The following FSTL4 variants were observed in gnomAD, a reference collection of about 807,000 sequenced individuals.
FSTL4 encodes follistatin like 4, also known as follistatin-related protein 4.
In FSTL4, 28 loss-of-function variants were observed where a neutral mutation model predicts 78.2. The observed-to-expected ratio is 0.36, with a 90% CI of 0.27 to 0.49. The LOEUF is 0.49. Ranked by LOEUF, FSTL4 falls within the 20% of genes least tolerant of loss-of-function variation. The pLI is 0.98. For missense variants in FSTL4, 922 were observed against 1,084.9 expected, an observed-to-expected ratio of 0.85 and a Z score of 2.11; for synonymous variants, 422 against 440.5, an observed-to-expected ratio of 0.96 and a Z score of 0.53.
chr5:133,534,332 T>C (rs1237309093), intron 3 of FSTL4, among the ~76,000 whole-genome samples: 1 of 152,194 alleles, frequency 6.6e-6, no homozygotes, highest in Non-Finnish European at 1.5e-5. Flanking sequence ...AGTCGAGGCC[T>C]TCTCTGCCTT....
intron 1 of FSTL4, among the ~76,000 whole-genome samples, chr5:133,609,459 C>T (rs891043980): frequency 3.3e-5 from 5 of 152,154 alleles, no homozygotes; most frequent in Non-Finnish European, 7.3e-5. Context: ...AACCAGGAGG[C>T]TGTACGGGAA....
At chr5:133,812,571 A>G in the FSTL4 span, among the ~76,000 whole-genome samples, 2,522 of 152,194 alleles carry the variant, frequency 0.017, 78 homozygotes, top group African/African-American at 0.057. Context: ...TGTCATTCAA[A>G]TCTCAACTCA....
intron 6 of FSTL4, among the ~76,000 whole-genome samples, chr5:133,259,643 A>G (rs1490856159): frequency 1.3e-5 from 2 of 151,300 alleles, no homozygotes; most frequent in Non-Finnish European, 2.9e-5. Context: ...TTTGCATGCT[A>G]AAGGGTCACT....
chr5:133,198,912 A>G lies in FSTL4; in HGVS notation c.*183T>C, dbSNP rs1750224118. ...GGCATAAATCATACTTCCTAACGAA[A>G]AAACCCCAATCTTGGTAGCAGCGCA... On this transcript the variant is annotated 3_prime_UTR_variant, in exon 16 of 16. Coordinates refer to ENST00000265342, the MANE Select transcript of FSTL4 (RefSeq NM_015082.2). 2.1e-6 allele frequency: 1 copy of G among 477,934 alleles called. No homozygotes were observed. 29.6% of individuals were successfully genotyped at this position (477,934 alleles called of 1,614,324 possible).
intron 3 of FSTL4, among the ~76,000 whole-genome samples, chr5:133,517,391 C>G (rs546497366): frequency 2.7e-4 from 33 of 122,066 alleles, no homozygotes; most frequent in African/African-American, 1.0e-3. Flanking sequence ...CCCATGCATT[C>G]CAGCCTGGGC....
At chr5:133,801,425 C>T in the FSTL4 span, among the ~76,000 whole-genome samples, 1 of 152,238 alleles carries the variant, frequency 6.6e-6, no homozygotes, top group African/African-American at 2.4e-5. Flanking sequence ...TCCACACCAC[C>T]GTGTCCCAAA....
the FSTL4 span, among the ~76,000 whole-genome samples, chr5:133,798,213 A>C: frequency 6.6e-6 from 1 of 152,196 alleles, no homozygotes; most frequent in Admixed American, 6.5e-5. Context: ...CCCTCAGGCC[A>C]AAAATAAGTA....
the FSTL4 span, among the ~76,000 whole-genome samples, chr5:133,767,260 C>A: frequency 2.0e-5 from 3 of 152,252 alleles, no homozygotes; most frequent in South Asian, 6.2e-4. Flanking sequence ...ATTCATTTAT[C>A]GAGAGTGGCT....
chr5:133,462,470 A>G (rs1464608947), intron 3 of FSTL4, among the ~76,000 whole-genome samples: 1 of 152,246 alleles, frequency 6.6e-6, no homozygotes, highest in Non-Finnish European at 1.5e-5. Flanking sequence ...CCAGAATTCA[A>G]TTCAACTCAA....
rs1160631783 is a variant in FSTL4 at position 133,210,180 on chromosome 5, G to A, written c.1716+11C>T. 1.4e-6 allele frequency: 2 copies of A among 1,448,030 alleles called. No individual in the cohort carries two copies. The allele number at this position is 1,448,030 out of a possible 1,614,324, so 89.7% of individuals were successfully genotyped here. ...GGAGTGTGGGTATCAGCCTCCATGT[G>A]CTCAACATACCTGGAGACTTGGTCG... On this transcript the variant is annotated intron_variant, in intron 14 of 15. Coordinates refer to ENST00000265342, the MANE Select transcript of FSTL4 (RefSeq NM_015082.2).
At chr5:133,399,250 C>T (rs17166682) in intron 4 of FSTL4, among the ~76,000 whole-genome samples, 38,024 of 152,062 alleles carry the variant, frequency 0.25, 5,246 homozygotes, top group East Asian at 0.38. Flanking sequence ...TTAGTGTGCA[C>T]GGTTGCAGAG....
At position 133,199,124 on chromosome 5, in the gene FSTL4, TCCC is replaced by T; in HGVS notation, c.2497_2499del (p.Gly833del). ...ACCTCACCCACCCACACCACTGTGG[TCCC>T]CCCCTTTATACCTGACACCTCACAC... On this transcript the variant is annotated inframe_deletion, in exon 16 of 16. Coordinates refer to ENST00000265342, the MANE Select transcript of FSTL4 (RefSeq NM_015082.2). This position sits in a 1 kb window ranked among gnomAD's most constrained non-coding sequence, Gnocchi z 4.4. The T allele has an allele frequency of 6.4e-7, 1 of 1,562,774 alleles. No homozygotes were observed. The highest frequency in any genetic ancestry group is 8.7e-7 in the Non-Finnish European group (1 of 1,150,848).
intron 4 of FSTL4, among the ~76,000 whole-genome samples, chr5:133,395,800 C>T (rs1756024329): frequency 6.6e-6 from 1 of 152,226 alleles, no homozygotes; most frequent in African/African-American, 2.4e-5. Context: ...AAGGTCCCCT[C>T]TCCTCCAGCA....
intron 3 of FSTL4, among the ~76,000 whole-genome samples, chr5:133,552,720 T>G (rs1458855977): frequency 6.6e-6 from 1 of 152,120 alleles, no homozygotes; most frequent in African/African-American, 2.4e-5. Context: ...TCAAGGGTCT[T>G]AGGAGAAACC....
At chr5:133,623,653 C>A in the FSTL4 span, among the ~76,000 whole-genome samples, 2 of 151,794 alleles carry the variant, frequency 1.3e-5, no homozygotes, top group Non-Finnish European at 2.9e-5. Context: ...TTGAGTTTAT[C>A]AAAATTTAAA....
At chr5:133,215,605 G>A (rs1291804744) in intron 13 of FSTL4, among the ~76,000 whole-genome samples, 3 of 152,094 alleles carry the variant, frequency 2.0e-5, no homozygotes, top group South Asian at 2.1e-4. Flanking sequence ...TAGTGCATTA[G>A]TTTCATATTG....
chr5:133,742,624 A>T, the FSTL4 span, among the ~76,000 whole-genome samples: 1 of 152,014 alleles, frequency 6.6e-6, no homozygotes, highest in Non-Finnish European at 1.5e-5. Flanking sequence ...CAGCTCTCGG[A>T]GGGCTGACCC....
the FSTL4 span, among the ~76,000 whole-genome samples, chr5:133,723,391 C>T: frequency 1.4e-3 from 220 of 152,256 alleles, no homozygotes; most frequent in Non-Finnish European, 1.9e-3. Context: ...TATGACACAG[C>T]GGGAGCTTGG....
chr5:133,483,395 C>T (rs1360465321), intron 3 of FSTL4, among the ~76,000 whole-genome samples: 1 of 152,148 alleles, frequency 6.6e-6, no homozygotes, highest in Non-Finnish European at 1.5e-5. Context: ...GTGTACATGC[C>T]CCTACATGTG....
Sources: allele counts gnomAD v4.1 joint callset (sites outside exome capture counted in the v4.1 genomes callset), GRCh38; gene constraint gnomAD v4.1.1; non-coding constraint Gnocchi (gnomAD v3.1); transcripts MANE v1.5; gene names NCBI Gene and HGNC (gene_info 2026-07-23, HGNC 2026-07-21).